Variants in ROS1 observed in about 807,000 individuals in gnomAD.
The protein encoded by ROS1 is proto-oncogene tyrosine-protein kinase ROS.
Under a neutral mutation model 273.5 loss-of-function variants are expected in ROS1, and 263 were observed. The observed-to-expected ratio is 0.96, with a 90% CI of 0.87 to 1.06. ROS1 has a LOEUF of 1.06. ROS1 is among the 50% of genes least tolerant of loss of function. The pLI is 0.00. For missense variants in ROS1, 2,833 were observed against 2,751.1 expected, an observed-to-expected ratio of 1.03 and a Z score of -0.67; for synonymous variants, 1,008 against 954.1, an observed-to-expected ratio of 1.06 and a Z score of -1.04.
Position 117,365,751 on chromosome 6 carries a change from G to T in ROS1, c.2798-10C>A. ...GTAAAGGAAAAGTTCCCTACAGGATGAAACAAAAAAAAGAAATAGGAGAAA... is the reference window on the plus strand; with the variant it reads ...GTAAAGGAAAAGTTCCCTACAGGATTAAACAAAAAAAAGAAATAGGAGAAA... On this transcript the variant is annotated splice_polypyrimidine_tract_variant and intron_variant, in intron 19 of 43. Coordinates refer to ENST00000368507, the MANE Select transcript of ROS1 (RefSeq NM_001378902.1). 6.6e-7 allele frequency: 1 copy of T among 1,524,360 alleles called. No individual in the cohort carries two copies. Among genetic ancestry groups the T allele is most frequent in the Non-Finnish European group, 8.8e-7 (1 of 1,142,088 alleles). The allele number at this position is 1,524,360 out of a possible 1,614,324, so 94.4% of individuals were successfully genotyped here.
chr6:117,305,650 A>G (rs1459775645), intron 42 of ROS1, among the ~76,000 whole-genome samples: 2 of 152,208 alleles, frequency 1.3e-5, no homozygotes, highest in Non-Finnish European at 2.9e-5. Flanking sequence ...AAAGAATAAA[A>G]CTTCGGTTCT....
intron 28 of ROS1, among the ~76,000 whole-genome samples, 174 bp downstream of exon 28, chr6:117,343,886 T>C (rs1468573248): frequency 6.6e-6 from 1 of 152,194 alleles, no homozygotes; most frequent in Non-Finnish European, 1.5e-5. Context: ...GAAGCTTAAC[T>C]TACTCCCAGT....
At chr6:117,390,123 AGGAAG>A (rs1418631337) in intron 12 of ROS1, among the ~76,000 whole-genome samples, 5 of 152,166 alleles carry the variant, frequency 3.3e-5, no homozygotes, top group African/African-American at 1.2e-4. Flanking sequence ...ATTCAAAAAC[AGGAAG>A]GGTCTTTTAT....
chr6:117,301,437 G>C, intron 42 of ROS1: 1 of 222,494 alleles, frequency 4.5e-6, no homozygotes, highest in Non-Finnish European at 8.8e-6. Flanking sequence ...AACTACTCAA[G>C]GTGAAGGTCT....
chr6:117,350,806 C>T (rs62430811), intron 27 of ROS1, among the ~76,000 whole-genome samples: 14,310 of 151,498 alleles, frequency 0.094, 749 homozygotes, highest in East Asian at 0.15. Flanking sequence ...ACATTCCTCA[C>T]ATGTTACAGT....
Position 117,332,149 on chromosome 6 carries a change from A to G in ROS1, c.5231-2703T>C, listed in dbSNP as rs950037176. ...AAAATAAAGGGATTGAGGAAAATTT[A>G]CCAAGCATATGGAAAGCAAAAAAAA... is the stretch of plus-strand genomic sequence containing the variant. On this transcript the variant is annotated intron_variant, in intron 32 of 43. Transcript: ENST00000368507. Among the ~76,000 whole-genome samples, 5 of 151,564 alleles carry G rather than the reference A, an allele frequency of 3.3e-5. No homozygotes were observed. The East Asian group carries it at 7.8e-4, about 24-fold the overall frequency.
chr6:117,357,112 TG>T (rs1446628898), intron 25 of ROS1, among the ~76,000 whole-genome samples, 197 bp from the exon 26 acceptor site: 4 of 152,202 alleles, frequency 2.6e-5, no homozygotes, highest in Admixed American at 2.0e-4. Flanking sequence ...GCATTTCCAA[TG>T]ATTTCTCAAT....
At chr6:117,320,766 A>G (rs572543828) in intron 36 of ROS1, among the ~76,000 whole-genome samples, 56 of 152,248 alleles carry the variant, frequency 3.7e-4, no homozygotes, top group African/African-American at 1.3e-3. Context: ...TAATATAATG[A>G]ACCTTTGCAT....
At chr6:117,341,086 T>G in intron 31 of ROS1, 49 bp downstream of exon 31, 1 of 1,280,326 alleles carries the variant, frequency 7.8e-7, no homozygotes, top group Non-Finnish European at 1.1e-6. Context: ...AAAAAGCCCT[T>G]TCCAATTTAT....
intron 13 of ROS1, among the ~76,000 whole-genome samples, chr6:117,388,875 G>A (rs1772816940): frequency 6.6e-6 from 1 of 152,094 alleles, no homozygotes; most frequent in Non-Finnish European, 1.5e-5. Flanking sequence ...ACTTGCCCAG[G>A]GTCATTCTAT....
intron 18 of ROS1, among the ~76,000 whole-genome samples, chr6:117,367,599 C>G (rs1780376104): frequency 6.6e-6 from 1 of 152,190 alleles, no homozygotes; most frequent in Non-Finnish European, 1.5e-5. Context: ...CTGAATGAGA[C>G]TAGGCCCCAC....
intron 18 of ROS1, among the ~76,000 whole-genome samples, chr6:117,369,372 G>C (rs900529316): frequency 1.3e-5 from 2 of 152,114 alleles, no homozygotes; most frequent in African/African-American, 4.8e-5. Flanking sequence ...AAAGAAACCA[G>C]CTCTCCCTGG....
chr6:117,317,179 G>T lies in ROS1; in HGVS notation c.6081C>A (p.Asp2027Glu), dbSNP rs557108710. 1.4e-5 allele frequency: 23 copies of T among 1,613,242 alleles called. No homozygotes were observed. In the African/African-American group the frequency reaches 2.9e-4, roughly 21 times the overall value. ...YIILELMEGG[D>E]LLTYLRKARM... ...GGGCTTTACGCAAATAAGTAAGAAG[G>T]TCTCCTCCCTCCATCAGTTCCAGGA... The change falls in exon 39 of 44, where the codon GAC (aspartate) becomes GAA (glutamate). Residue 2027 changes from aspartate to glutamate, a missense_variant. Transcript: ENST00000368507.
chr6:117,387,642 G>T (rs1207823007), intron 14 of ROS1, 138 bp downstream of exon 14: 17 of 775,356 alleles, frequency 2.2e-5, no homozygotes, highest in Middle Eastern at 3.9e-4. Context: ...CTCAATATGT[G>T]TTTACTCAAA....
At chr6:117,398,693 A>AAAAAAAAAAC (rs1554252569) in intron 7 of ROS1, among the ~76,000 whole-genome samples, 4 of 141,086 alleles carry the variant, frequency 2.8e-5, no homozygotes, top group Non-Finnish European at 4.8e-5. Flanking sequence ...AAAAAAAAAA[A>AAAAAAAAAAC]AAAACTCGCG....
intron 24 of ROS1, 94 bp downstream of exon 24, chr6:117,359,715 G>T: frequency 1.0e-6 from 1 of 981,526 alleles, no homozygotes; most frequent in Non-Finnish European, 1.6e-6. Flanking sequence ...TAATCTTAAT[G>T]ACTAAACCGT....
rs1396856660 is a variant in ROS1, at chr6:117,389,560, T to C, written c.1576A>G (p.Ile526Val). The C allele has an allele frequency of 2.5e-6, 4 of 1,614,180 alleles. No individual in the cohort carries two copies. The highest frequency in any genetic ancestry group is 1.1e-5 in the South Asian group (1 of 91,088). The part of the protein sequence containing the change: ...NDFLVTDGKV[I>V]FQQDALSFNE... ...AAAGACAAAGCATCCTGTTGGAAAATGACCTTGCCATCTGTGACAAGAAAG... is the reference window on the plus strand; with the variant it reads ...AAAGACAAAGCATCCTGTTGGAAAACGACCTTGCCATCTGTGACAAGAAAG... The change falls in exon 13 of 44, where the codon ATT becomes GTT. Residue 526 changes from isoleucine (I) to valine (V), a missense_variant. By Grantham distance (29) the Ile-to-Val change is conservative. Transcript: ENST00000368507.
chr6:117,416,990 C>T (rs188330824), intron 2 of ROS1, among the ~76,000 whole-genome samples: 204 of 152,220 alleles, frequency 1.3e-3, no homozygotes, highest in African/African-American at 4.7e-3. Context: ...CTCTCCACCC[C>T]TTTGGTGTTT....
chr6:117,298,854 T>G (rs913904781), intron 43 of ROS1, among the ~76,000 whole-genome samples: 2 of 152,212 alleles, frequency 1.3e-5, no homozygotes, highest in African/African-American at 4.8e-5. Flanking sequence ...CAGTAAGTGT[T>G]GAAATAATTT....
Sources: gnomAD v4.1 joint callset for allele counts (sites outside exome capture counted in the v4.1 genomes callset) on GRCh38, gnomAD v4.1.1 for gene constraint, MANE v1.5 for transcripts, NCBI Gene and HGNC (gene_info 2026-07-23, HGNC 2026-07-21) for gene names.